The following SLFN12L variants were observed in gnomAD, a reference collection of about 807,000 sequenced individuals.
The protein encoded by SLFN12L is schlafen family member 12-like.
A neutral mutation model predicts 34.8 loss-of-function variants in SLFN12L; 34 were observed. The observed-to-expected ratio is 0.98, with a 90% CI of 0.74 to 1.30. The LOEUF is 1.30. Ranked by LOEUF, SLFN12L falls within the 50% of genes most tolerant of loss-of-function variation. The pLI, the probability that SLFN12L is intolerant of heterozygous loss-of-function variation, is 0.00. For synonymous variants in SLFN12L, 259 were observed against 247.5 expected (o/e 1.05, Z -0.44); for missense variants, 703 against 696.2 (o/e 1.01, Z -0.11).
At position 35,522,729 on chromosome 17, in the gene SLFN12L, G is replaced by A; in HGVS notation, c.-365C>T. On this transcript the variant is annotated 5_prime_UTR_variant, in exon 2 of 5. Transcript: ENST00000628453. ...TCACCAGCTTCTGCTTCAAAGTAAG[G>A]GCAGTGCAAGTGCAGTAGTCCTGGC... The A allele has an allele frequency of 1.9e-6, 3 of 1,613,920 alleles. No homozygotes were observed. In the South Asian group the frequency reaches 3.3e-5, roughly 18 times the overall value.
chr17:35,523,628 T>C (rs948979944), intron 1 of SLFN12L, among the ~76,000 whole-genome samples: 1 of 152,178 alleles, frequency 6.6e-6, no homozygotes, highest in African/African-American at 2.4e-5. Context: ...AATATACTTG[T>C]GCTACAGAGT....
intron 4 of SLFN12L, 145 bp from the exon 5 acceptor site, chr17:35,475,630 G>A (rs1198606576): frequency 4.6e-6 from 6 of 1,294,636 alleles, no homozygotes; most frequent in Non-Finnish European, 6.2e-6. Flanking sequence ...CAGGCATGGT[G>A]GCTCACACCT....
intron 2 of SLFN12L, chr17:35,490,174 G>T: frequency 6.2e-7 from 1 of 1,605,738 alleles, no homozygotes; most frequent in Non-Finnish European, 8.5e-7. Flanking sequence ...CCGGGCTGCT[G>T]CAGCCACCAG....
At chr17:35,507,872 C>T (rs933169951) in intron 2 of SLFN12L, among the ~76,000 whole-genome samples, 4 of 152,210 alleles carry the variant, frequency 2.6e-5, no homozygotes, top group Admixed American at 6.5e-5. Context: ...AAAGTGAGAA[C>T]TCCCACTAAT....
intron 2 of SLFN12L, among the ~76,000 whole-genome samples, chr17:35,491,979 A>G (rs184319612): frequency 5.6e-4 from 85 of 152,210 alleles, no homozygotes; most frequent in Non-Finnish European, 1.8e-4. Context: ...CCCTGTCCCC[A>G]ATGTGTTTGT....
At chr17:35,487,449 C>G (rs566130834) in intron 2 of SLFN12L, among the ~76,000 whole-genome samples, 1 of 152,202 alleles carries the variant, frequency 6.6e-6, no homozygotes, top group Non-Finnish European at 1.5e-5. Flanking sequence ...AGCGCCCCAC[C>G]TCGTCCCGGA....
chr17:35,523,054 AT>A, intron 1 of SLFN12L, 85 bp from the exon 2 acceptor site: 1 of 316,956 alleles, frequency 3.2e-6, no homozygotes, highest in Admixed American at 4.5e-5. Context: ...TGATTAATAT[AT>A]TTGATTATTA....
At chr17:35,476,041 A>C (rs1173856162) in intron 4 of SLFN12L, among the ~76,000 whole-genome samples, 1 of 152,090 alleles carries the variant, frequency 6.6e-6, no homozygotes, top group Non-Finnish European at 1.5e-5. Context: ...CAGAAGAATC[A>C]CAGGAAGTAG....
At position 35,495,795 on chromosome 17, in the gene SLFN12L, G is replaced by T. The variant is rs1040549762; in HGVS notation, c.87-15600C>A. Among the ~76,000 whole-genome samples, 6 of 151,736 alleles carry T rather than the reference G, an allele frequency of 4.0e-5. No homozygotes were observed. In the East Asian group the frequency reaches 9.7e-4, roughly 25 times the overall value. On this transcript the variant is annotated intron_variant, in intron 2 of 4. Transcript: ENST00000628453. ...GACACCAACTGGCGCTGTCCTTCGC[G>T]CCCACTAACAACTGGTCAGGGTGAG...
intron 1 of SLFN12L, among the ~76,000 whole-genome samples, chr17:35,534,861 C>G (rs2072443781): frequency 6.6e-6 from 1 of 152,160 alleles, no homozygotes; most frequent in African/African-American, 2.4e-5. Context: ...GCAGAAATCT[C>G]TATCAAGGCC....
rs1597823923 is a variant in SLFN12L, at chr17:35,473,301, T to C, written c.*1622A>G. 6.6e-6 allele frequency among the ~76,000 whole-genome samples: 1 copy of C among 152,276 alleles called. No homozygotes were observed. The highest frequency in any genetic ancestry group is 2.1e-4 in the South Asian group (1 of 4,822). ...TGGCTGTGGGTTTGTCATGAATAGC[T>C]CTTATTGTTTTGAGATATGTTTCAT... On this transcript the variant is annotated 3_prime_UTR_variant, in exon 5 of 5. Transcript: ENST00000628453.
Position 35,522,939 on chromosome 17 carries a change from TC to T in SLFN12L, c.-576del. 1.7e-6 allele frequency: 1 copy of T among 576,932 alleles called. No homozygotes were observed. Among genetic ancestry groups the T allele is most frequent in the Non-Finnish European group, 3.1e-6 (1 of 320,766 alleles). 35.7% of individuals were successfully genotyped at this position (576,932 alleles called of 1,614,324 possible). ...TGAGGACAGCTCCTTCCAGAGGGAT[TC>T]CAGAGTACATCGCAAATATCCTGGT... is the stretch of plus-strand genomic sequence containing the variant. On this transcript the variant is annotated 5_prime_UTR_variant, in exon 2 of 5. The change abolishes the stop of an existing upstream ORF in the 5' untranslated region. Coordinates refer to ENST00000628453, the MANE Select transcript of SLFN12L (RefSeq NM_001363830.2).
chr17:35,492,171 CT>C (rs1455056179), intron 2 of SLFN12L, among the ~76,000 whole-genome samples: 3 of 152,198 alleles, frequency 2.0e-5, no homozygotes, highest in Admixed American at 2.0e-4. Context: ...AGAACCTCTA[CT>C]GATCAGAGCA....
At chr17:35,535,403 T>G (rs1041508541) in intron 1 of SLFN12L, among the ~76,000 whole-genome samples, 4 of 151,608 alleles carry the variant, frequency 2.6e-5, no homozygotes, top group South Asian at 2.1e-4. Context: ...CTCCACGTTG[T>G]TCAGGCTGGT....
chr17:35,479,058 TA>T, intron 3 of SLFN12L, 58 bp downstream of exon 3: 1 of 1,312,804 alleles, frequency 7.6e-7, no homozygotes, highest in Non-Finnish European at 1.0e-6. Flanking sequence ...AAAGATACAA[TA>T]AAACCTTCCT....
intron 2 of SLFN12L, among the ~76,000 whole-genome samples, chr17:35,504,552 G>T (rs1157953362): frequency 6.6e-6 from 1 of 152,186 alleles, no homozygotes; most frequent in Non-Finnish European, 1.5e-5. Flanking sequence ...GGCCCAGATT[G>T]TCCCCTTTCC....
At chr17:35,520,664 T>C (rs1307792669) in intron 2 of SLFN12L, among the ~76,000 whole-genome samples, 1 of 151,926 alleles carries the variant, frequency 6.6e-6, no homozygotes, top group East Asian at 1.9e-4. Flanking sequence ...AGAATTTGCT[T>C]GAACCCAGGA....
intron 1 of SLFN12L, among the ~76,000 whole-genome samples, chr17:35,535,640 C>T (rs565985813): frequency 2.0e-5 from 3 of 152,056 alleles, no homozygotes; most frequent in African/African-American, 7.2e-5. Context: ...GTGTACGCCA[C>T]CATGCCTGGC....
Position 35,520,942 on chromosome 17 carries a change from T to C in SLFN12L, c.86+1337A>G, listed in dbSNP as rs146789771. The stretch of plus-strand genomic sequence containing the variant: ...TCCTCCCTTCTCTCAAAGTGCTGCC[T>C]TTCTGTCTAAGCTTCCCCCCAATCA... On this transcript the variant is annotated intron_variant, in intron 2 of 4. Transcript: ENST00000628453. 1.7e-3 allele frequency among the ~76,000 whole-genome samples: 259 copies of C among 152,220 alleles called. 2 individuals are homozygous for C. Among genetic ancestry groups the C allele is most frequent in the African/African-American group, 5.7e-3 (237 of 41,526 alleles).
Sources: gnomAD v4.1 joint callset for allele counts (sites outside exome capture counted in the v4.1 genomes callset) on GRCh38, gnomAD v4.1.1 for gene constraint, MANE v1.5 for transcripts, NCBI Gene and HGNC (gene_info 2026-07-23, HGNC 2026-07-21) for gene names.